The following CDH13 variants were observed in gnomAD, a reference collection of about 807,000 sequenced individuals.
CDH13 encodes cadherin 13.
CDH13 carries 24 observed loss-of-function variants against 63.8 expected under a neutral mutation model. The ratio of observed to expected loss-of-function variants is 0.38; its 90% CI spans 0.27 to 0.53. CDH13 has a LOEUF of 0.53. CDH13 is among the 20% of genes least tolerant of loss of function. The probability of loss-of-function intolerance (pLI) is 0.85; values close to 1 mark genes in which losing one functional copy is unlikely to be tolerated. For synonymous variants in CDH13, 503 were observed against 355.3 expected (o/e 1.42, Z -4.67); for missense variants, 1,049 against 903.1 (o/e 1.16, Z -2.07).
At chr16:83,710,703 G>T (rs1907905399) in intron 10 of CDH13, among the ~76,000 whole-genome samples, 1 of 152,068 alleles carries the variant, frequency 6.6e-6, no homozygotes, top group Admixed American at 6.6e-5. Flanking sequence ...CCTTGTCTTG[G>T]GAATTAACAG....
intron 10 of CDH13, chr16:83,710,573 G>T (rs555359820): frequency 6.6e-6 from 1 of 151,938 alleles, no homozygotes; most frequent in South Asian, 2.1e-4. Flanking sequence ...AGAGTGTTGC[G>T]GGGAGCTGAA....
chr16:83,514,666 G>A (rs541394556), intron 7 of CDH13, among the ~76,000 whole-genome samples: 3 of 152,004 alleles, frequency 2.0e-5, no homozygotes, highest in Non-Finnish European at 2.9e-5. Flanking sequence ...GAGAAGAAGA[G>A]GAGAGAGACA....
intron 7 of CDH13, among the ~76,000 whole-genome samples, chr16:83,520,167 TGACA>T (rs1191576364): frequency 6.6e-6 from 1 of 152,138 alleles, no homozygotes; most frequent in Admixed American, 6.5e-5. Flanking sequence ...TGACTTCTAA[TGACA>T]GAATAAGTCA....
At chr16:82,836,334 G>C (rs2038766951) in intron 1 of CDH13, among the ~76,000 whole-genome samples, 1 of 152,048 alleles carries the variant, frequency 6.6e-6, no homozygotes, top group Admixed American at 6.6e-5. Flanking sequence ...ATTTTTAGTA[G>C]AGACTGGGTT....
At chr16:83,299,118 C>G (rs2089670339) in intron 5 of CDH13, among the ~76,000 whole-genome samples, 1 of 152,076 alleles carries the variant, frequency 6.6e-6, no homozygotes, top group Non-Finnish European at 1.5e-5. Flanking sequence ...TAGAATCATA[C>G]CATATACACT....
At chr16:82,907,226 A>G (rs1211118891) in intron 2 of CDH13, among the ~76,000 whole-genome samples, 2 of 152,180 alleles carry the variant, frequency 1.3e-5, no homozygotes, top group Non-Finnish European at 2.9e-5. Flanking sequence ...TAAAGGACAG[A>G]AAAGAACGCG....
intron 4 of CDH13, among the ~76,000 whole-genome samples, chr16:83,200,331 CT>C (rs552206068): frequency 2.0e-5 from 3 of 152,258 alleles, no homozygotes; most frequent in Admixed American, 2.0e-4. Flanking sequence ...CATCGATTGG[CT>C]TTTCTGAAAG....
intron 6 of CDH13, among the ~76,000 whole-genome samples, chr16:83,466,671 C>A (rs2073325182): frequency 6.6e-6 from 1 of 152,196 alleles, no homozygotes; most frequent in African/African-American, 2.4e-5. Flanking sequence ...TTATCATAGA[C>A]AAGGAACAAA....
chr16:82,796,048 G>T (rs1377183039), intron 1 of CDH13, among the ~76,000 whole-genome samples: 1 of 150,988 alleles, frequency 6.6e-6, no homozygotes, highest in Non-Finnish European at 1.5e-5. Context: ...CAACAGATGA[G>T]TCCCTTGCCC....
intron 6 of CDH13, among the ~76,000 whole-genome samples, chr16:83,379,936 T>G (rs200213208): frequency 0.052 from 4,763 of 91,674 alleles, 101 homozygotes; most frequent in Non-Finnish European, 0.07. Context: ...TATATATATA[T>G]ATAGAGAGAG....
At chr16:83,520,158 G>A (rs1172699281) in intron 7 of CDH13, among the ~76,000 whole-genome samples, 1 of 152,108 alleles carries the variant, frequency 6.6e-6, no homozygotes, top group Non-Finnish European at 1.5e-5. Context: ...CAATACATAT[G>A]ACTTCTAATG....
chr16:83,110,030 C>T (rs767765209), intron 3 of CDH13, among the ~76,000 whole-genome samples: 13 of 152,144 alleles, frequency 8.5e-5, no homozygotes, highest in Admixed American at 6.5e-4. Context: ...TTTTAACTAG[C>T]GGTTCAAACG....
intron 7 of CDH13, among the ~76,000 whole-genome samples, chr16:83,594,241 C>G (rs1907044884): frequency 6.6e-6 from 1 of 152,210 alleles, no homozygotes; most frequent in Non-Finnish European, 1.5e-5. Flanking sequence ...GCAGTAGCAT[C>G]TCTCCAGCAT....
chr16:83,657,751 T>C (rs1438602837), intron 8 of CDH13, among the ~76,000 whole-genome samples: 1 of 152,224 alleles, frequency 6.6e-6, no homozygotes, highest in Non-Finnish European at 1.5e-5. Context: ...TGTGAACTCC[T>C]TGCCATAGAA....
chr16:83,354,550 G>C (rs1324465088), intron 6 of CDH13, among the ~76,000 whole-genome samples: 3 of 152,018 alleles, frequency 2.0e-5, no homozygotes, highest in African/African-American at 7.3e-5. Flanking sequence ...TTTAAGTTTC[G>C]GATAAAATAA....
intron 4 of CDH13, among the ~76,000 whole-genome samples, chr16:83,199,987 A>G (rs2038978347): frequency 6.6e-6 from 1 of 152,204 alleles, no homozygotes; most frequent in East Asian, 1.9e-4. Flanking sequence ...GGCACAGGGA[A>G]TGAAGACGAA....
At chr16:83,703,858 G>A (rs1013744664) in intron 10 of CDH13, among the ~76,000 whole-genome samples, 8 of 152,042 alleles carry the variant, frequency 5.3e-5, no homozygotes, top group African/African-American at 1.7e-4. Context: ...TAATAGGCAC[G>A]AACTCGCAAT....
intron 6 of CDH13, among the ~76,000 whole-genome samples, chr16:83,394,248 T>A (rs11641989): frequency 0.77 from 115,914 of 150,394 alleles, 46,267 homozygotes; most frequent in South Asian, 0.92. Flanking sequence ...CTAAAAGTTT[T>A]AAAAAAAAAA....
chr16:83,368,696 A>G (rs1457622470), intron 6 of CDH13, among the ~76,000 whole-genome samples: 1 of 151,240 alleles, frequency 6.6e-6, no homozygotes, highest in Non-Finnish European at 1.5e-5. Context: ...AAGTCCCCAC[A>G]GTCCAATACA....
Sources: allele counts gnomAD v4.1 joint callset (sites outside exome capture counted in the v4.1 genomes callset), GRCh38; gene constraint gnomAD v4.1.1; transcripts MANE v1.5; gene names NCBI Gene and HGNC (gene_info 2026-07-23, HGNC 2026-07-21).